The following ITGA9 variants were observed in gnomAD, a reference collection of about 807,000 sequenced individuals.
ITGA9 encodes the protein integrin alpha-9.
A neutral mutation model predicts 127.8 loss-of-function variants in ITGA9; 56 were observed. That is an observed-to-expected ratio of 0.44 (90% CI 0.35 to 0.55). ITGA9 has a LOEUF of 0.55. Among genes scored for constraint, ITGA9 ranks in the 20% least tolerant of loss-of-function variants. The pLI, the probability that ITGA9 is intolerant of heterozygous loss-of-function variation, is 0.00. For missense variants in ITGA9, 1,196 were observed against 1,347.1 expected, an observed-to-expected ratio of 0.89 and a Z score of 1.76; for synonymous variants, 508 against 514.5, an observed-to-expected ratio of 0.99 and a Z score of 0.17.
intron 24 of ITGA9, among the ~76,000 whole-genome samples, chr3:37,779,084 G>T (rs1338531413): frequency 1.3e-5 from 2 of 151,898 alleles, no homozygotes; most frequent in East Asian, 3.9e-4. Context: ...CTTAAATTTG[G>T]GATTTATGTT....
chr3:37,490,977 T>C (rs918548473), intron 4 of ITGA9, among the ~76,000 whole-genome samples: 1,221 of 61,924 alleles, frequency 0.02, 28 homozygotes, highest in East Asian at 0.047. Context: ...CCCCCCCGCT[T>C]TTTTTTTTTT....
chr3:37,657,624 CA>C (rs139406617), intron 17 of ITGA9, among the ~76,000 whole-genome samples: 20 of 141,246 alleles, frequency 1.4e-4, no homozygotes, highest in South Asian at 6.7e-4. Flanking sequence ...TTGATCTTTT[CA>C]AAAAAAAAAA....
intron 15 of ITGA9, among the ~76,000 whole-genome samples, chr3:37,566,293 A>G (rs1439280232): frequency 6.6e-6 from 1 of 152,186 alleles, no homozygotes; most frequent in Non-Finnish European, 1.5e-5. Flanking sequence ...TAGTAGTGTA[A>G]TAGCATGGAT....
intron 13 of ITGA9, among the ~76,000 whole-genome samples, chr3:37,531,303 A>G (rs1699149951): frequency 6.6e-6 from 1 of 152,164 alleles, no homozygotes; most frequent in Admixed American, 6.5e-5. Flanking sequence ...ACAGGAAGCG[A>G]TCAGAGAGGC....
chr3:37,743,352 A>G (rs1696460634), intron 21 of ITGA9, among the ~76,000 whole-genome samples: 1 of 152,234 alleles, frequency 6.6e-6, no homozygotes, highest in Non-Finnish European at 1.5e-5. Flanking sequence ...TATAAGCAAC[A>G]TTGAAAGCAT....
chr3:37,571,666 A>G (rs1377151904), intron 15 of ITGA9, among the ~76,000 whole-genome samples: 1 of 152,102 alleles, frequency 6.6e-6, no homozygotes, highest in Non-Finnish European at 1.5e-5. Context: ...GGAGATATTG[A>G]TGCTGCTGGT....
intron 15 of ITGA9, among the ~76,000 whole-genome samples, chr3:37,586,003 TGAG>T (rs1432966255): frequency 6.6e-6 from 1 of 152,208 alleles, no homozygotes; most frequent in African/African-American, 2.4e-5. Flanking sequence ...GGTCTGTGAC[TGAG>T]GAGACGTGCC....
At chr3:37,714,041 GGT>G (rs1701106711) in intron 18 of ITGA9, among the ~76,000 whole-genome samples, 1 of 152,220 alleles carries the variant, frequency 6.6e-6, no homozygotes, top group South Asian at 2.1e-4. Context: ...TGCCTAGCAG[GGT>G]GTCCCCCATC....
At position 37,703,886 on chromosome 3, in the gene ITGA9, T is replaced by C. The variant is rs1369288314; in HGVS notation, c.2067+19871T>C. ...CCATGGCTTAGCAAGCTTAAGGAGGTGACTCAACTTCCTTAGTGAGTGGTG... is the reference window on the plus strand; with the variant it reads ...CCATGGCTTAGCAAGCTTAAGGAGGCGACTCAACTTCCTTAGTGAGTGGTG... On this transcript the variant is annotated intron_variant, in intron 18 of 27. Coordinates refer to ENST00000264741, the MANE Select transcript of ITGA9 (RefSeq NM_002207.3). Among the ~76,000 whole-genome samples the C allele has an allele frequency of 5.9e-5, 9 of 152,278 alleles. No individual in the cohort carries two copies. In the East Asian group the frequency reaches 1.5e-3, roughly 26 times the overall value.
At chr3:37,748,305 C>G in intron 22 of ITGA9, 1 of 538,900 alleles carries the variant, frequency 1.9e-6, no homozygotes, top group Non-Finnish European at 3.6e-6. Flanking sequence ...AAAGAGTCTA[C>G]GGTGTTACCC....
rs1308177448 is a variant in ITGA9 at position 37,494,684 on chromosome 3, G to A, written c.612+116G>A. On this transcript the variant is annotated intron_variant, in intron 5 of 27. Transcript: ENST00000264741. ...CTGGAGTCCCAGATACTTGAGCCTCGAGGGAGCAGATTCTGGTCCTCACAC... is the reference window on the plus strand; with the variant it reads ...CTGGAGTCCCAGATACTTGAGCCTCAAGGGAGCAGATTCTGGTCCTCACAC... 5 of 832,146 alleles carry A rather than the reference G, an allele frequency of 6.0e-6. No individual in the cohort carries two copies. The East Asian group carries it at 1.1e-4, about 18-fold the overall frequency. The allele number at this position is 832,146 out of a possible 1,614,324, so 51.5% of individuals were successfully genotyped here. A position where few individuals can be genotyped will look rare whatever the true frequency, so the allele number is the denominator to read the frequency against.
chr3:37,534,875 T>A lies in ITGA9; in HGVS notation c.1528+1407T>A, dbSNP rs114709824. Among the ~76,000 whole-genome samples, 656 of 152,332 alleles carry A rather than the reference T, an allele frequency of 4.3e-3. 8 individuals are homozygous for A. Among genetic ancestry groups the A allele is most frequent in the African/African-American group, 0.015 (631 of 41,580 alleles). On this transcript the variant is annotated intron_variant, in intron 14 of 27. Transcript: ENST00000264741. ...TTAGTTTTGCTTTCTAACAACTATT[T>A]CTCACCACCTCCATAATTGTTTAAG...
At position 37,777,420 on chromosome 3, in the gene ITGA9, T is replaced by G. The variant is rs557998982; in HGVS notation, c.2570T>G (p.Phe857Cys). The G allele has an allele frequency of 1.8e-4, 287 of 1,614,102 alleles. 3 individuals carry two copies. In the South Asian group the frequency reaches 2.9e-3, roughly 16 times the overall value. Reference protein sequence around the residue: ...VVGQEKGNCSFQKNPTPCIIP... With the variant: ...VVGQEKGNCSCQKNPTPCIIP... ...GGCCAAGAGAAGGGAAACTGCTCTT[T>G]CCAGAAAAACCCAACTCCCTGCATC... The change falls in exon 24 of 28, where the codon TTC becomes TGC. Residue 857 changes from phenylalanine to cysteine, a missense_variant. Coordinates refer to ENST00000264741, the MANE Select transcript of ITGA9 (RefSeq NM_002207.3).
rs1698212377 is a variant in ITGA9 at position 37,452,931 on chromosome 3, C to A, written c.185+372C>A. On this transcript the variant is annotated intron_variant, in intron 1 of 27. Transcript: ENST00000264741. This position sits in a 1 kb window ranked among gnomAD's most constrained non-coding sequence, Gnocchi z 7.3. ...TGCCTCCGGGCGGCCGCCGCTGGCC[C>A]AGCGAGCCTCCTGAACCTCGCAGGG... is the stretch of plus-strand genomic sequence containing the variant. Among the ~76,000 whole-genome samples the A allele has an allele frequency of 6.6e-6, 1 of 152,212 alleles. No individual in the cohort carries two copies.
intron 15 of ITGA9, among the ~76,000 whole-genome samples, chr3:37,565,896 G>C (rs1292561913): frequency 6.6e-6 from 1 of 152,150 alleles, no homozygotes; most frequent in African/African-American, 2.4e-5. Flanking sequence ...AAATACTGGG[G>C]ACCCTTGAGT....
chr3:37,663,138 G>A (rs1418281796), intron 17 of ITGA9, among the ~76,000 whole-genome samples: 1 of 152,162 alleles, frequency 6.6e-6, no homozygotes, highest in Non-Finnish European at 1.5e-5. Context: ...CAGGAACAGG[G>A]ATGAAACTTG....
chr3:37,686,751 G>T (rs535971095), intron 18 of ITGA9, among the ~76,000 whole-genome samples: 43 of 152,326 alleles, frequency 2.8e-4, no homozygotes, highest in African/African-American at 1.0e-3. Context: ...TGTGGAGGCA[G>T]GGCCAGCCAG....
At chr3:37,455,571 T>C (rs1698246844) in intron 1 of ITGA9, among the ~76,000 whole-genome samples, 2 of 152,128 alleles carry the variant, frequency 1.3e-5, no homozygotes, top group African/African-American at 4.8e-5. Context: ...GTGAGGAAGG[T>C]AAAATATAGA....
intron 11 of ITGA9, 58 bp downstream of exon 11, chr3:37,519,412 T>C: frequency 7.3e-7 from 1 of 1,365,748 alleles, no homozygotes; most frequent in Non-Finnish European, 1.0e-6. Flanking sequence ...CAAACATGTA[T>C]GGAACCTTCA....
Sources: gnomAD v4.1 joint callset for allele counts (sites outside exome capture counted in the v4.1 genomes callset) on GRCh38, gnomAD v4.1.1 for gene constraint, Gnocchi (gnomAD v3.1) non-coding constraint, MANE v1.5 for transcripts, NCBI Gene and HGNC (gene_info 2026-07-23, HGNC 2026-07-21) for gene names.